Variants in DZIP3 observed in about 807,000 individuals in gnomAD.
The protein encoded by DZIP3 is DAZ interacting zinc finger protein 3, also known as E3 ubiquitin-protein ligase DZIP3.
Under a neutral mutation model 162.0 loss-of-function variants are expected in DZIP3, and 118 were observed. The observed-to-expected ratio is 0.73, with a 90% CI of 0.63 to 0.85. The LOEUF (loss-of-function observed/expected upper bound fraction) is 0.85. Among genes scored for constraint, DZIP3 ranks in the 40% least tolerant of loss-of-function variants. The pLI is 0.00. For missense variants in DZIP3, 1,331 were observed against 1,407.0 expected (o/e 0.95, Z 0.86); for synonymous variants, 438 against 458.6 (o/e 0.96, Z 0.57).
At chr3:108,589,866 T>C (rs1939278902) in intron 1 of DZIP3, 27 bp downstream of exon 1, 2 of 152,666 alleles carry the variant, frequency 1.3e-5, no homozygotes, top group Admixed American at 1.3e-4. Flanking sequence ...AGAAGAATCT[T>C]GGGCCCTAGA....
intron 22 of DZIP3, among the ~76,000 whole-genome samples, chr3:108,672,255 C>A (rs1272675543): frequency 1.3e-5 from 2 of 151,956 alleles, no homozygotes; most frequent in East Asian, 3.9e-4. Context: ...ACATTCAGTT[C>A]ATTGCACTTG....
intron 31 of DZIP3, among the ~76,000 whole-genome samples, chr3:108,689,634 C>T (rs1026315662): frequency 6.6e-6 from 1 of 152,052 alleles, no homozygotes; most frequent in African/African-American, 2.4e-5. Context: ...TTGCAGTGAG[C>T]CGAGATCGGG....
chr3:108,593,533 CTTTT>C (rs941807872), intron 1 of DZIP3, among the ~76,000 whole-genome samples: 16 of 151,964 alleles, frequency 1.1e-4, no homozygotes, highest in Admixed American at 1.0e-3. Context: ...AGTGTTTCAT[CTTTT>C]TTTATGCTAT....
intron 2 of DZIP3, 77 bp downstream of exon 2, chr3:108,605,515 G>T (rs1222061806): frequency 8.8e-6 from 13 of 1,482,332 alleles, no homozygotes; most frequent in South Asian, 1.2e-5. Context: ...GATGGTGGGG[G>T]TGCGGGGAAT....
intron 3 of DZIP3, among the ~76,000 whole-genome samples, chr3:108,609,767 G>C (rs985088838): frequency 6.6e-6 from 1 of 152,162 alleles, no homozygotes; most frequent in Non-Finnish European, 1.5e-5. Flanking sequence ...CTTGTGCTTG[G>C]GAGGTCAAGG....
chr3:108,635,577 AATT>A (rs1475709134), intron 10 of DZIP3, among the ~76,000 whole-genome samples: 1 of 147,442 alleles, frequency 6.8e-6, no homozygotes, highest in African/African-American at 2.5e-5. Context: ...ATAACTACAT[AATT>A]ATATATAACT....
chr3:108,611,446 T>C, intron 4 of DZIP3, 117 bp downstream of exon 4: 1 of 1,258,400 alleles, frequency 7.9e-7, no homozygotes, highest in Non-Finnish European at 1.1e-6. Context: ...AATCTCCATC[T>C]TACTTCTTGT....
At chr3:108,599,116 C>A (rs983449016) in intron 1 of DZIP3, among the ~76,000 whole-genome samples, 4 of 152,162 alleles carry the variant, frequency 2.6e-5, no homozygotes, top group Non-Finnish European at 2.9e-5. Context: ...AGATTTGTAA[C>A]AAGGGGTGAT....
chr3:108,637,300 T>G (rs1459035737), intron 11 of DZIP3, among the ~76,000 whole-genome samples, 196 bp from the exon 12 acceptor site: 2 of 152,128 alleles, frequency 1.3e-5, no homozygotes, highest in East Asian at 3.8e-4. Context: ...GTAGAACTGC[T>G]TTTTTAAGGT....
At chr3:108,625,140 C>T (rs2107566458) in intron 6 of DZIP3, among the ~76,000 whole-genome samples, 1 of 152,172 alleles carries the variant, frequency 6.6e-6, no homozygotes, top group East Asian at 1.9e-4. Context: ...TAAGGCCAGG[C>T]AGCATTTTTC....
chr3:108,690,503 A>G (rs1432048987), intron 31 of DZIP3, among the ~76,000 whole-genome samples: 1 of 152,224 alleles, frequency 6.6e-6, no homozygotes, highest in Non-Finnish European at 1.5e-5. Context: ...AGTTTCTCCA[A>G]TTTCCTTGTC....
intron 14 of DZIP3, among the ~76,000 whole-genome samples, 193 bp downstream of exon 14, chr3:108,644,974 G>A (rs1385387011): frequency 1.3e-5 from 2 of 152,104 alleles, no homozygotes; most frequent in Non-Finnish European, 2.9e-5. Flanking sequence ...GGCTAAAGAA[G>A]TCCAAAAAAG....
At position 108,662,158 on chromosome 3, in the gene DZIP3, C is replaced by G; in HGVS notation, c.2324C>G (p.Thr775Ser). Residue 775 changes from threonine to serine, a missense_variant, in exon 21 of 33, where the codon ACT (threonine) becomes AGT (serine). Around this residue, in one of 2 missense-constraint regions of DZIP3, gnomAD observed 1,278 missense variants for 1,317.1 expected, o/e 0.97. Transcript: ENST00000361582. ...EDFKRQLRTV[T>S]FRWQENQMQI... ...TTCAAAAGACAGTTGAGAACAGTGA[C>G]TTTTCGGTGGCAAGAAAACCAAATG... is the stretch of plus-strand genomic sequence containing the variant. 1 of 1,607,088 alleles carries G rather than the reference C, an allele frequency of 6.2e-7. No homozygotes were observed. Among genetic ancestry groups the G allele is most frequent in the Non-Finnish European group, 8.5e-7 (1 of 1,178,176 alleles).
At chr3:108,617,208 T>C (rs1295779154) in intron 5 of DZIP3, among the ~76,000 whole-genome samples, 1 of 152,178 alleles carries the variant, frequency 6.6e-6, no homozygotes, top group African/African-American at 2.4e-5. Flanking sequence ...ATAGTGACTA[T>C]AGTTAATAAC....
At chr3:108,603,841 A>G (rs868651224) in intron 1 of DZIP3, among the ~76,000 whole-genome samples, 6 of 152,184 alleles carry the variant, frequency 3.9e-5, no homozygotes, top group Non-Finnish European at 8.8e-5. Flanking sequence ...TGATTTCCAC[A>G]GGACTTCTTT....
chr3:108,667,323 T>G (rs908958919), intron 21 of DZIP3, among the ~76,000 whole-genome samples: 1 of 152,158 alleles, frequency 6.6e-6, no homozygotes, highest in African/African-American at 2.4e-5. Flanking sequence ...AACAGTGATA[T>G]GTATCACTGC....
intron 7 of DZIP3, among the ~76,000 whole-genome samples, chr3:108,628,262 G>A (rs893597982): frequency 2.6e-5 from 4 of 152,194 alleles, no homozygotes; most frequent in Non-Finnish European, 5.9e-5. Context: ...CTAAATAAAG[G>A]TAGGCTGCTC....
At chr3:108,616,310 T>C (rs1294833405) in intron 4 of DZIP3, among the ~76,000 whole-genome samples, 2 of 146,644 alleles carry the variant, frequency 1.4e-5, no homozygotes, top group Non-Finnish European at 3.0e-5. Context: ...ATAAATAAAA[T>C]AAAATTTAAA....
chr3:108,675,965 A>C, intron 25 of DZIP3, 92 bp downstream of exon 25: 1 of 1,121,376 alleles, frequency 8.9e-7, no homozygotes, highest in Non-Finnish European at 1.3e-6. Flanking sequence ...TTAAGGAAGA[A>C]CATATTTTCC....
Sources: gnomAD v4.1 joint callset for allele counts (sites outside exome capture counted in the v4.1 genomes callset) on GRCh38, gnomAD v4.1.1 for gene constraint, gnomAD v4.1.1 regional missense constraint, MANE v1.5 for transcripts, NCBI Gene and HGNC (gene_info 2026-07-23, HGNC 2026-07-21) for gene names.